KDM5A: variants seen among roughly 807,000 people sequenced by gnomAD.
The protein encoded by KDM5A is lysine-specific demethylase 5A.
KDM5A carries 42 observed loss-of-function variants against 193.5 expected under a neutral mutation model. That is an observed-to-expected ratio of 0.22 (90% CI 0.17 to 0.28). The LOEUF is 0.28. Ranked by LOEUF, KDM5A falls within the 10% of genes least tolerant of loss-of-function variation. KDM5A has a pLI of 1.00. For synonymous variants in KDM5A, 796 were observed against 718.1 expected, an observed-to-expected ratio of 1.11 and a Z score of -1.73; for missense variants, 1,692 against 2,055.1, an observed-to-expected ratio of 0.82 and a Z score of 3.42.
intron 26 of KDM5A, 141 bp from the exon 27 acceptor site, chr12:293,310 A>C: frequency 1.4e-6 from 1 of 691,578 alleles, no homozygotes; most frequent in Non-Finnish European, 2.3e-6. Context: ...GAAGGGAAGA[A>C]GAAATGGAGA....
intron 10 of KDM5A, among the ~76,000 whole-genome samples, chr12:340,595 T>C (rs753355077): frequency 6.8e-5 from 10 of 146,324 alleles, no homozygotes; most frequent in Non-Finnish European, 8.9e-5. Context: ...CTAGGGAGGC[T>C]GATGCAAAAG....
At chr12:336,140 CTTCAGCCCAGGAAT>C (rs1262228128) in intron 10 of KDM5A, among the ~76,000 whole-genome samples, 1 of 150,494 alleles carries the variant, frequency 6.6e-6, no homozygotes, top group Non-Finnish European at 1.5e-5. Flanking sequence ...AGGCAGATGA[CTTCAGCCCAGGAAT>C]TTGAGACCAG....
intron 3 of KDM5A, among the ~76,000 whole-genome samples, chr12:370,979 T>G (rs1473909564): frequency 2.0e-5 from 3 of 152,244 alleles, no homozygotes; most frequent in Admixed American, 2.0e-4. Context: ...TATTCCATGG[T>G]GCATATGTGC....
chr12:295,024 C>G (rs950223560), intron 26 of KDM5A, among the ~76,000 whole-genome samples: 1 of 152,156 alleles, frequency 6.6e-6, no homozygotes, highest in East Asian at 1.9e-4. Context: ...CATCCCTGTG[C>G]TTCTTTTCAT....
At chr12:383,945 T>C in intron 3 of KDM5A, 86 bp downstream of exon 3, 1 of 1,387,612 alleles carries the variant, frequency 7.2e-7, no homozygotes, top group East Asian at 2.3e-5. Flanking sequence ...AATCCTCTAT[T>C]GGAAGCAATG....
Position 313,135 on chromosome 12 carries a change from G to A in KDM5A, c.2957C>T (p.Ala986Val), listed in dbSNP as rs1408720916. 1 of 1,614,034 alleles carries A rather than the reference G, an allele frequency of 6.2e-7. No homozygotes were observed. The highest frequency in any genetic ancestry group is 8.5e-7 in the Non-Finnish European group (1 of 1,179,898). ...CAAGGACAACACATTGGGTAGAAAG[G>A]CTGGAATGTTCTTGGCTTCATTCAC... ...SIVNEAKNIP[A>V]FLPNVLSLKE... The change falls in exon 20 of 28, where the codon GCC (alanine) becomes GTC (valine). Residue 986 changes from alanine to valine, a missense_variant. Ala to Val is a moderately conservative substitution (Grantham distance 64, BLOSUM62 0). Around this residue, in one of 11 missense-constraint regions of KDM5A, gnomAD observed 965 missense variants for 1,061.0 expected, o/e 0.91. Transcript: ENST00000399788.
intron 10 of KDM5A, among the ~76,000 whole-genome samples, chr12:344,402 G>T (rs1386075485): frequency 5.3e-5 from 8 of 152,238 alleles, no homozygotes; most frequent in Non-Finnish European, 8.8e-5. Context: ...TTCAAATTCA[G>T]GAAATACAGA....
chr12:387,226 CAAA>C (rs201508413), intron 1 of KDM5A: 532 of 294,968 alleles, frequency 1.8e-3, no homozygotes, highest in East Asian at 3.7e-3. Flanking sequence ...GTTGAGTAGT[CAAA>C]AAAAAAAAAA....
At chr12:361,669 G>C (rs1490941889) in intron 5 of KDM5A, among the ~76,000 whole-genome samples, 2 of 152,154 alleles carry the variant, frequency 1.3e-5, no homozygotes, top group African/African-American at 2.4e-5. Flanking sequence ...CTAGCAATCA[G>C]TGTTTACCCA....
At chr12:318,508 A>AT in intron 18 of KDM5A, 47 bp from the exon 19 acceptor site, 1 of 1,414,970 alleles carries the variant, frequency 7.1e-7, no homozygotes, top group South Asian at 1.2e-5. Flanking sequence ...AATTTAAAAC[A>AT]TACAAAAGAG....
intron 14 of KDM5A, among the ~76,000 whole-genome samples, chr12:326,217 T>C (rs771737853): frequency 6.6e-6 from 1 of 152,200 alleles, no homozygotes. Context: ...AAACACAGAT[T>C]ACAAATGAGT....
chr12:342,976 C>T (rs1384794448), intron 10 of KDM5A, among the ~76,000 whole-genome samples: 1 of 152,148 alleles, frequency 6.6e-6, no homozygotes, highest in Non-Finnish European at 1.5e-5. Flanking sequence ...GCGTGCATCA[C>T]CTCACCCTGG....
chr12:372,009 G>GTA (rs1320328384), intron 3 of KDM5A, among the ~76,000 whole-genome samples: 1 of 152,176 alleles, frequency 6.6e-6, no homozygotes, highest in Non-Finnish European at 1.5e-5. Context: ...TAGCCTTGTA[G>GTA]TATAGTTTGA....
Position 333,618 on chromosome 12 carries a change from A to G in KDM5A, c.1522T>C (p.Ser508Pro). ...GEPKTWYGVP[S>P]HAAEQLEEVM... ...TCCTCCAGTTGCTCTGCAGCATGAG[A>G]TGGCACACCATACCATGTCTTTGGC... Residue 508 changes from serine (S) to proline (P), a missense_variant, in exon 12 of 28, where the codon TCT becomes CCT. Coordinates refer to ENST00000399788, the MANE Select transcript of KDM5A (RefSeq NM_001042603.3). 6.2e-7 allele frequency: 1 copy of G among 1,614,126 alleles called. No homozygotes were observed. Among genetic ancestry groups the G allele is most frequent in the Non-Finnish European group, 8.5e-7 (1 of 1,180,018 alleles).
At chr12:330,085 G>GTGTGTGTATATATA (rs377271333) in intron 13 of KDM5A, among the ~76,000 whole-genome samples, 234 of 139,360 alleles carry the variant, frequency 1.7e-3, no homozygotes, top group African/African-American at 5.7e-3. Context: ...GTGTGTGTGT[G>GTGTGTGTATATATA]TATATATATA....
intron 25 of KDM5A, 147 bp from the exon 26 acceptor site, chr12:295,940 A>G: frequency 1.4e-6 from 1 of 722,054 alleles, no homozygotes; most frequent in African/African-American, 1.8e-5. Context: ...GAAAATGTAA[A>G]CAGAATTAGA....
Position 330,073 on chromosome 12 carries a change from G to GTATATATATATA in KDM5A, c.1774-1045_1774-1044insTATATATATATA, listed in dbSNP as rs1393039421. On this transcript the variant is annotated intron_variant, in intron 13 of 27. Transcript: ENST00000399788. ...GGAAAAAGTGTGTGTGTGTGTGTGTGTGTGTGTGTGTGTATATATATATAT... is the reference window on the plus strand; with the variant it reads ...GGAAAAAGTGTGTGTGTGTGTGTGTGTATATATATATATGTGTGTGTGTGTATATATATATAT... 1.3e-3 allele frequency among the ~76,000 whole-genome samples: 160 copies of GTATATATATATA among 127,594 alleles called. 2 individuals are homozygous for GTATATATATATA. The highest frequency in any genetic ancestry group is 8.1e-3 in the South Asian group (35 of 4,344). The allele number at this position is 127,594 out of a possible 152,430, so 83.7% of individuals were successfully genotyped here. A position where few individuals can be genotyped will look rare whatever the true frequency, so the allele number is the denominator to read the frequency against.
At chr12:369,383 CT>C (rs1944397816) in intron 3 of KDM5A, among the ~76,000 whole-genome samples, 1 of 152,116 alleles carries the variant, frequency 6.6e-6, no homozygotes. Flanking sequence ...AAACAAAGAT[CT>C]TTGTCACATT....
At chr12:379,026 CTTT>C (rs1214804665) in intron 3 of KDM5A, among the ~76,000 whole-genome samples, 8 of 150,212 alleles carry the variant, frequency 5.3e-5, no homozygotes, top group Non-Finnish European at 8.9e-5. Context: ...CCAAGTAATA[CTTT>C]TTATTATCAA....
Sources: gnomAD v4.1 joint callset for allele counts (sites outside exome capture counted in the v4.1 genomes callset) on GRCh38, gnomAD v4.1.1 for gene constraint, gnomAD v4.1.1 regional missense constraint, MANE v1.5 for transcripts, NCBI Gene and HGNC (gene_info 2026-07-23, HGNC 2026-07-21) for gene names.